Variants in ASAP1 observed in about 807,000 individuals in gnomAD.
ASAP1 encodes the protein arf-GAP with SH3 domain, ANK repeat and PH domain-containing protein 1.
ASAP1 carries 43 observed loss-of-function variants against 145.2 expected under a neutral mutation model. The observed-to-expected ratio is 0.30, with a 90% confidence interval of 0.23 to 0.38. The LOEUF (loss-of-function observed/expected upper bound fraction) is 0.38, where lower values mean the gene tolerates loss of function less well. ASAP1 is among the 10% of genes least tolerant of loss of function. The pLI, the probability that ASAP1 is intolerant of heterozygous loss-of-function variation, is 1.00. For synonymous variants in ASAP1, 546 were observed against 515.5 expected (o/e 1.06, Z -0.80); for missense variants, 1,018 against 1,355.3 (o/e 0.75, Z 3.91).
chr8:130,127,042 G>GT (rs2097576031), intron 16 of ASAP1, among the ~76,000 whole-genome samples: 1 of 152,162 alleles, frequency 6.6e-6, no homozygotes, highest in Non-Finnish European at 1.5e-5. Context: ...ATGATTCTCA[G>GT]TACAGCGGGA....
At chr8:130,289,211 A>G (rs2005040) in intron 3 of ASAP1, among the ~76,000 whole-genome samples, 2 of 151,860 alleles carry the variant, frequency 1.3e-5, no homozygotes, top group African/African-American at 2.4e-5. Context: ...AACAAACAAA[A>G]AAAAAAACTA....
chr8:130,267,135 AAAAC>A (rs1210986992), intron 3 of ASAP1, among the ~76,000 whole-genome samples: 7 of 144,330 alleles, frequency 4.8e-5, no homozygotes, highest in Non-Finnish European at 1.1e-4. Flanking sequence ...AAAAAAAAAC[AAAAC>A]AAAAAACAAA....
intron 3 of ASAP1, among the ~76,000 whole-genome samples, chr8:130,260,078 T>C (rs1357490104): frequency 1.3e-5 from 2 of 152,216 alleles, no homozygotes; most frequent in East Asian, 1.9e-4. Context: ...TGTCCAGTTA[T>C]GGGAAAAAAC....
At chr8:130,355,505 C>T (rs1826253462) in intron 3 of ASAP1, among the ~76,000 whole-genome samples, 1 of 152,030 alleles carries the variant, frequency 6.6e-6, no homozygotes, top group South Asian at 2.1e-4. Context: ...AAAAAGTACC[C>T]AAAAGTTCTC....
chr8:130,399,550 T>C (rs1049292904), intron 2 of ASAP1, among the ~76,000 whole-genome samples: 1 of 152,298 alleles, frequency 6.6e-6, no homozygotes, highest in Non-Finnish European at 1.5e-5. Flanking sequence ...CGGTATCATG[T>C]CTCGATCATA....
chr8:130,384,176 G>A (rs1251028576), intron 2 of ASAP1, among the ~76,000 whole-genome samples: 5 of 152,106 alleles, frequency 3.3e-5, no homozygotes, highest in South Asian at 2.1e-4. Context: ...AGGACAAGAC[G>A]ACCTTCTGAG....
intron 23 of ASAP1, among the ~76,000 whole-genome samples, chr8:130,112,888 T>C (rs1343795098): frequency 6.6e-6 from 1 of 152,190 alleles, no homozygotes; most frequent in Non-Finnish European, 1.5e-5. Flanking sequence ...TTTGCGCTTG[T>C]GGTGATGGCA....
intron 29 of ASAP1, 38 bp downstream of exon 29, chr8:130,057,916 T>A: frequency 1.2e-6 from 2 of 1,610,248 alleles, no homozygotes; most frequent in Non-Finnish European, 1.7e-6. Flanking sequence ...GCATGCTGTA[T>A]GAATGTACGG....
At chr8:130,061,227 A>G (rs374383935) in intron 27 of ASAP1, among the ~76,000 whole-genome samples, 158 bp from the exon 28 acceptor site, 65 of 152,318 alleles carry the variant, frequency 4.3e-4, no homozygotes, top group African/African-American at 1.4e-3. Context: ...CAGTTTTACA[A>G]AGACAAAGTT....
rs764694818 is a variant in ASAP1, at chr8:130,329,187, C to T, written c.186+28830G>A. 6.9e-4 allele frequency among the ~76,000 whole-genome samples: 105 copies of T among 152,284 alleles called. 1 individual carries two copies. Among genetic ancestry groups the T allele is most frequent in the Non-Finnish European group, 1.0e-3 (69 of 68,010 alleles). Reference sequence around the variant, plus strand: ...CCCTCAACCACTGCTGCTGCCTCATCTCTGAGTGACACAGCGGTTCACTAA... The same window carrying T: ...CCCTCAACCACTGCTGCTGCCTCATTTCTGAGTGACACAGCGGTTCACTAA... On this transcript the variant is annotated intron_variant, in intron 3 of 29. Coordinates refer to ENST00000518721, the MANE Select transcript of ASAP1 (RefSeq NM_018482.4).
chr8:130,064,395 A>C (rs2097425816), intron 27 of ASAP1, among the ~76,000 whole-genome samples: 1 of 152,176 alleles, frequency 6.6e-6, no homozygotes, highest in Non-Finnish European at 1.5e-5. Context: ...TCAGGCTTTA[A>C]GGCCTGAACA....
At chr8:130,121,078 G>C (rs1240998852) in intron 18 of ASAP1, among the ~76,000 whole-genome samples, 1 of 152,200 alleles carries the variant, frequency 6.6e-6, no homozygotes, top group Non-Finnish European at 1.5e-5. Flanking sequence ...TATTAAAACT[G>C]ATCAGCAAAT....
At chr8:130,247,492 C>G (rs1260262647) in intron 3 of ASAP1, among the ~76,000 whole-genome samples, 1 of 151,546 alleles carries the variant, frequency 6.6e-6, no homozygotes, top group African/African-American at 2.4e-5. Flanking sequence ...ACCCTTCAAC[C>G]TGACACAATG....
At position 130,401,958 on chromosome 8, in the gene ASAP1, A is replaced by G. The variant is rs749617039; in HGVS notation, c.-15T>C. ...GAAGATCTCATGTCTCAGCCGTCAC[A>G]TCAGAAAACGACCTGGATAGGGGGC... On this transcript the variant is annotated 5_prime_UTR_variant, in exon 2 of 30. The change abolishes an upstream ATG in the 5' untranslated region. Coordinates refer to ENST00000518721, the MANE Select transcript of ASAP1 (RefSeq NM_018482.4). 6.2e-7 allele frequency: 1 copy of G among 1,612,672 alleles called. No homozygotes were observed. The highest frequency in any genetic ancestry group is 1.7e-5 in the Admixed American group (1 of 59,958).
At chr8:130,130,062 G>A (rs1196939356) in intron 15 of ASAP1, among the ~76,000 whole-genome samples, 1 of 152,108 alleles carries the variant, frequency 6.6e-6, no homozygotes, top group African/African-American at 2.4e-5. Context: ...CTTTCCTCAG[G>A]CATTCTAGCA....
intron 5 of ASAP1, among the ~76,000 whole-genome samples, chr8:130,193,403 A>C (rs965003035): frequency 4.3e-4 from 65 of 151,662 alleles, no homozygotes; most frequent in African/African-American, 1.5e-3. Flanking sequence ...GACAAAAAAA[A>C]CCCCCAAAAA....
At chr8:130,094,207 A>T (rs1489893290) in intron 24 of ASAP1, among the ~76,000 whole-genome samples, 1 of 152,034 alleles carries the variant, frequency 6.6e-6, no homozygotes, top group Non-Finnish European at 1.5e-5. Context: ...CCCTAGGTTT[A>T]TCGTTAAAAA....
chr8:130,257,725 C>G (rs1021651137), intron 3 of ASAP1, among the ~76,000 whole-genome samples: 1 of 151,322 alleles, frequency 6.6e-6, no homozygotes, highest in African/African-American at 2.4e-5. Flanking sequence ...CATTACATTT[C>G]TGTTTTTTAA....
rs1403796819 is a variant in ASAP1, at chr8:130,351,964, A to G, written c.186+6053T>C. Among the ~76,000 whole-genome samples, 4 of 152,216 alleles carry G rather than the reference A, an allele frequency of 2.6e-5. No homozygotes were observed. In the East Asian group the frequency reaches 7.7e-4, roughly 29 times the overall value. ...ACAATTTCCTTCTCCCTTTGATTCT[A>G]CAGACAGATATATTCACTCACTGAC... On this transcript the variant is annotated intron_variant, in intron 3 of 29. Transcript: ENST00000518721.
Sources: gnomAD v4.1 joint callset for allele counts (sites outside exome capture counted in the v4.1 genomes callset) on GRCh38, gnomAD v4.1.1 for gene constraint, MANE v1.5 for transcripts, NCBI Gene and HGNC (gene_info 2026-07-23, HGNC 2026-07-21) for gene names.